The following PIK3C2G variants were observed in gnomAD, a reference collection of about 807,000 sequenced individuals.
The protein encoded by PIK3C2G is phosphatidylinositol-4-phosphate 3-kinase catalytic subunit type 2 gamma, also known as phosphatidylinositol 3-kinase C2 domain-containing subunit gamma.
PIK3C2G carries 168 observed loss-of-function variants against 181.1 expected under a neutral mutation model. The observed-to-expected ratio is 0.93, with a 90% CI of 0.82 to 1.05. PIK3C2G has a LOEUF of 1.05. Among genes scored for constraint, PIK3C2G ranks in the 50% least tolerant of loss-of-function variants. The pLI is 0.00. For synonymous variants in PIK3C2G, 573 were observed against 592.2 expected, an observed-to-expected ratio of 0.97 and a Z score of 0.47; for missense variants, 1,869 against 1,732.8, an observed-to-expected ratio of 1.08 and a Z score of -1.40.
rs115539166 is a variant in PIK3C2G, at chr12:18,459,642, T to A, written c.2505-28807T>A. Among the ~76,000 whole-genome samples the A allele has an allele frequency of 6.6e-3, 1,009 of 152,342 alleles. 9 individuals carry two copies. The highest frequency in any genetic ancestry group is 0.023 in the African/African-American group (972 of 41,590). On this transcript the variant is annotated intron_variant, in intron 18 of 32. Transcript: ENST00000538779. ...TAGTTACAGTGAAATTTATATTGAA[T>A]CTGTTGCATGCTTAACCTATGCCTA...
At chr12:18,421,142 C>T in intron 17 of PIK3C2G, 108 bp downstream of exon 17, 2 of 543,148 alleles carry the variant, frequency 3.7e-6, no homozygotes, top group Non-Finnish European at 3.3e-6. Context: ...TGCAATTTGG[C>T]CACCCAAGGG....
the PIK3C2G span, among the ~76,000 whole-genome samples, chr12:18,709,243 G>GC: frequency 1.3e-5 from 2 of 151,814 alleles, no homozygotes; most frequent in Admixed American, 1.3e-4. Context: ...TCGAAATTCA[G>GC]TTTTTTCAGT....
intron 15 of PIK3C2G, 26 bp downstream of exon 15, chr12:18,391,278 A>T (rs756782045): frequency 1.3e-6 from 2 of 1,530,280 alleles, no homozygotes; most frequent in Non-Finnish European, 1.8e-6. Flanking sequence ...CTTGTGAATG[A>T]ATTTTTGCCT....
intron 18 of PIK3C2G, among the ~76,000 whole-genome samples, chr12:18,485,243 A>C (rs1472395269): frequency 6.6e-6 from 1 of 152,290 alleles, no homozygotes; most frequent in East Asian, 1.9e-4. Context: ...TGGAATATGA[A>C]CTATCTGTAC....
At chr12:18,589,994 C>T (rs1946991209) in intron 29 of PIK3C2G, among the ~76,000 whole-genome samples, 1 of 151,904 alleles carries the variant, frequency 6.6e-6, no homozygotes, top group South Asian at 2.1e-4. Context: ...TCAGTGGTTA[C>T]ATAAGTGAGC....
At chr12:18,363,037 T>C (rs1941379848) in intron 12 of PIK3C2G, 151 bp downstream of exon 12, 2 of 532,172 alleles carry the variant, frequency 3.8e-6, no homozygotes, top group Non-Finnish European at 6.4e-6. Flanking sequence ...GGCTAATAGA[T>C]AACTGATTGT....
intron 11 of PIK3C2G, among the ~76,000 whole-genome samples, chr12:18,356,052 A>T (rs939952187): frequency 6.6e-6 from 1 of 152,152 alleles, no homozygotes. Context: ...AGAGGCCTTC[A>T]GTTTCCCCAG....
chr12:18,331,911 T>C (rs1177306685), intron 8 of PIK3C2G, among the ~76,000 whole-genome samples: 1 of 152,154 alleles, frequency 6.6e-6, no homozygotes, highest in Non-Finnish European at 1.5e-5. Context: ...TTTGTGCATA[T>C]GTACAAATGC....
chr12:18,575,324 G>A (rs970417856), intron 29 of PIK3C2G, among the ~76,000 whole-genome samples: 2 of 152,142 alleles, frequency 1.3e-5, no homozygotes, highest in Non-Finnish European at 2.9e-5. Context: ...AACTTAAGAG[G>A]TGGGACCCAG....
At chr12:18,521,720 G>C (rs1182235632) in intron 24 of PIK3C2G, among the ~76,000 whole-genome samples, 2 of 152,200 alleles carry the variant, frequency 1.3e-5, no homozygotes, top group African/African-American at 4.8e-5. Flanking sequence ...TCCCAGTGTC[G>C]ACTGCCGCCT....
intron 18 of PIK3C2G, among the ~76,000 whole-genome samples, chr12:18,433,901 G>T (rs1267299779): frequency 1.3e-5 from 2 of 152,152 alleles, no homozygotes; most frequent in Admixed American, 6.5e-5. Context: ...GAAAAGATCT[G>T]GGATGGTGAC....
chr12:18,626,860 T>C (rs771120388), intron 31 of PIK3C2G, among the ~76,000 whole-genome samples: 1 of 152,048 alleles, frequency 6.6e-6, no homozygotes, highest in Non-Finnish European at 1.5e-5. Flanking sequence ...ATATGTTGTG[T>C]TGAATTCTGA....
chr12:18,613,356 C>T (rs1948439778), intron 31 of PIK3C2G, among the ~76,000 whole-genome samples: 1 of 151,954 alleles, frequency 6.6e-6, no homozygotes, highest in South Asian at 2.1e-4. Flanking sequence ...AGATAGAAGA[C>T]AACTCAAAGG....
intron 25 of PIK3C2G, among the ~76,000 whole-genome samples, chr12:18,541,627 G>A (rs940604717): frequency 4.7e-4 from 72 of 151,924 alleles, no homozygotes; most frequent in African/African-American, 1.7e-3. Context: ...GGACTTAAGA[G>A]AACAGAAGTA....
At chr12:18,529,290 G>T (rs1184865687) in intron 24 of PIK3C2G, among the ~76,000 whole-genome samples, 2 of 152,032 alleles carry the variant, frequency 1.3e-5, no homozygotes, top group Non-Finnish European at 2.9e-5. Context: ...TCATCATTGG[G>T]CATTTTCTCT....
intron 5 of PIK3C2G, among the ~76,000 whole-genome samples, chr12:18,305,339 T>A (rs1451288445): frequency 7.6e-6 from 1 of 131,460 alleles, no homozygotes; most frequent in Non-Finnish European, 1.8e-5. Context: ...AGCCCCAAGT[T>A]TTTTAAAAAG....
chr12:18,489,089 T>C (rs972600309), intron 19 of PIK3C2G, among the ~76,000 whole-genome samples: 2 of 152,230 alleles, frequency 1.3e-5, no homozygotes, highest in East Asian at 3.9e-4. Context: ...CTAAGATCTA[T>C]GGATACTAGT....
the PIK3C2G span, chr12:18,713,702 A>T: frequency 6.6e-6 from 1 of 152,208 alleles, no homozygotes; most frequent in Non-Finnish European, 1.5e-5. Flanking sequence ...TATTCGACTC[A>T]TAATTTCACT....
rs75932870 is a variant in PIK3C2G at position 18,401,839 on chromosome 12, G to T, written c.2315+1992G>T. Among the ~76,000 whole-genome samples the T allele has an allele frequency of 6.6e-3, 997 of 152,142 alleles. 11 individuals are homozygous for T. The highest frequency in any genetic ancestry group is 0.023 in the African/African-American group (961 of 41,536). Reference sequence around the variant, plus strand: ...TAAGATACCATACTCACTAGGTCTGGCTATAATCAAAAGATACAAAAAGGA... The same window carrying T: ...TAAGATACCATACTCACTAGGTCTGTCTATAATCAAAAGATACAAAAAGGA... On this transcript the variant is annotated intron_variant, in intron 16 of 32. Transcript: ENST00000538779.
Sources: gnomAD v4.1 joint callset for allele counts (sites outside exome capture counted in the v4.1 genomes callset) on GRCh38, gnomAD v4.1.1 for gene constraint, MANE v1.5 for transcripts, NCBI Gene and HGNC (gene_info 2026-07-23, HGNC 2026-07-21) for gene names.